The following PDLIM7 variants were observed in gnomAD, a reference collection of about 807,000 sequenced individuals.
PDLIM7 encodes PDZ and LIM domain 7.
A neutral mutation model predicts 53.9 loss-of-function variants in PDLIM7; 37 were observed. The observed-to-expected ratio is 0.69, with a 90% CI of 0.53 to 0.90. PDLIM7 has a LOEUF of 0.90. Ranked by LOEUF, PDLIM7 falls within the 40% of genes least tolerant of loss-of-function variation. The probability of loss-of-function intolerance (pLI) is 0.00; values close to 1 mark genes in which losing one functional copy is unlikely to be tolerated. For synonymous variants in PDLIM7, 300 were observed against 261.3 expected, an observed-to-expected ratio of 1.15 and a Z score of -1.43; for missense variants, 617 against 638.5, an observed-to-expected ratio of 0.97 and a Z score of 0.36.
chr5:177,493,880 A>G (rs918043786), intron 2 of PDLIM7, among the ~76,000 whole-genome samples: 6 of 152,188 alleles, frequency 3.9e-5, no homozygotes, highest in African/African-American at 1.4e-4. Flanking sequence ...CAGGTGGGTC[A>G]GTGCACAGAC....
At chr5:177,490,727 A>G in intron 7 of PDLIM7, 143 bp downstream of exon 7, 1 of 655,854 alleles carries the variant, frequency 1.5e-6, no homozygotes, top group Non-Finnish European at 2.7e-6. Flanking sequence ...GGAAGGAAGG[A>G]AGGAAGGAAG....
At chr5:177,492,493 C>A in intron 3 of PDLIM7, 33 bp downstream of exon 3, 2 of 1,613,626 alleles carry the variant, frequency 1.2e-6, no homozygotes, top group Non-Finnish European at 1.7e-6. Flanking sequence ...CCACTGCCAG[C>A]GCGGGCGCAC....
Position 177,491,095 on chromosome 5 carries a change from C to T in PDLIM7, c.450G>A (p.Glu150=). ...GCCGCGGCCGCCAGTCCTCTGTGTT[C>T]TCCATCAGCCGCTGCTTGCTGGCAT... ...VPDASKQRLM[E]NTEDWRPRPG... is the part of the protein sequence containing the mutation. Residue 150 remains glutamate (E), a synonymous_variant, in exon 6 of 13, where the codon GAG becomes GAA. Coordinates refer to ENST00000355841, the MANE Select transcript of PDLIM7 (RefSeq NM_005451.5). 1 of 1,612,208 alleles carries T rather than the reference C, an allele frequency of 6.2e-7. No homozygotes were observed. Among genetic ancestry groups the T allele is most frequent in the South Asian group, 1.1e-5 (1 of 90,860 alleles).
chr5:177,494,517 C>T (rs576461390), intron 2 of PDLIM7, among the ~76,000 whole-genome samples: 98 of 131,576 alleles, frequency 7.4e-4, no homozygotes, highest in African/African-American at 1.9e-3. Flanking sequence ...GGGCTGAGCC[C>T]GAGGTGGGGG....
chr5:177,496,691 C>T, intron 1 of PDLIM7, 168 bp from the exon 2 acceptor site: 1 of 447,638 alleles, frequency 2.2e-6, no homozygotes, highest in Non-Finnish European at 4.0e-6. Context: ...GCCTGGGCTG[C>T]TGGCTGGCGG....
At chr5:177,491,384 G>A in intron 5 of PDLIM7, 1 of 1,552,226 alleles carries the variant, frequency 6.4e-7, no homozygotes. Flanking sequence ...AAAGGCACAG[G>A]CAGAGGGGGG....
At chr5:177,490,517 C>A (rs1455690436) in intron 7 of PDLIM7, 3 of 1,562,624 alleles carry the variant, frequency 1.9e-6, no homozygotes, top group Non-Finnish European at 2.6e-6. Context: ...ACGTTGAGCA[C>A]GTGGGCAGAG....
At chr5:177,488,617 G>C (rs918798076) in intron 9 of PDLIM7, among the ~76,000 whole-genome samples, 2 of 152,254 alleles carry the variant, frequency 1.3e-5, no homozygotes, top group Non-Finnish European at 2.9e-5. Flanking sequence ...GCTGGGCACA[G>C]TGGCTCACAC....
rs570979952 is a variant in PDLIM7 at position 177,485,329 on chromosome 5, G to T, written c.1051-1139C>A. On this transcript the variant is annotated intron_variant, in intron 10 of 12. Coordinates refer to ENST00000355841, the MANE Select transcript of PDLIM7 (RefSeq NM_005451.5). Reference sequence around the variant, plus strand: ...AGGGGCTGAGCTCTCCCTGGGCTGGGCTGTTCATCCCTAGGACCCTCGGGG... The same window carrying T: ...AGGGGCTGAGCTCTCCCTGGGCTGGTCTGTTCATCCCTAGGACCCTCGGGG... Among the ~76,000 whole-genome samples, 7 of 152,344 alleles carry T rather than the reference G, an allele frequency of 4.6e-5. No homozygotes were observed. The South Asian group carries it at 1.2e-3, about 27-fold the overall frequency.
intron 7 of PDLIM7, 84 bp from the exon 8 acceptor site, chr5:177,489,916 C>T (rs967519554): frequency 2.5e-5 from 39 of 1,540,440 alleles, no homozygotes; most frequent in Non-Finnish European, 3.3e-5. Context: ...GCTGGCCCCA[C>T]GGGAGATGAC....
At chr5:177,493,748 C>T (rs1758920507) in intron 2 of PDLIM7, among the ~76,000 whole-genome samples, 1 of 151,852 alleles carries the variant, frequency 6.6e-6, no homozygotes, top group Admixed American at 6.5e-5. Flanking sequence ...ACCACCCAGC[C>T]ATCTGGCAAG....
At chr5:177,484,432 C>G in intron 10 of PDLIM7, 1 of 509,734 alleles carries the variant, frequency 2.0e-6, no homozygotes, top group Non-Finnish European at 3.5e-6. Context: ...AACCTCTCCT[C>G]CCACAGCCAT....
At chr5:177,488,329 C>A in intron 9 of PDLIM7, 81 bp from the exon 10 acceptor site, 1 of 1,199,788 alleles carries the variant, frequency 8.3e-7, no homozygotes. Flanking sequence ...ACTGACCACC[C>A]ACCAGGAGGC....
chr5:177,490,722 GA>G, intron 7 of PDLIM7, 147 bp downstream of exon 7: 3 of 459,504 alleles, frequency 6.5e-6, no homozygotes, highest in Non-Finnish European at 1.2e-5. Context: ...GGGAAGGAAG[GA>G]AGGAAGGAAG....
rs1430970578 is a variant in PDLIM7 at position 177,496,464 on chromosome 5, G to A, written c.49C>T (p.Arg17Trp). ...TTGAAGTCCTTGCCCCCTTGCAGCC[G>A]GAAGCCCCAAGGTGCTGGCCCCTCC... ...VLEGPAPWGF[R>W]LQGGKDFNVP... The change falls in exon 2 of 13, where the codon CGG becomes TGG. Residue 17 changes from arginine to tryptophan, a missense_variant. Arg to Trp is a moderately radical substitution (Grantham distance 101). Coordinates refer to ENST00000355841, the MANE Select transcript of PDLIM7 (RefSeq NM_005451.5). 2 of 1,604,834 alleles carry A rather than the reference G, an allele frequency of 1.2e-6. No homozygotes were observed. Among genetic ancestry groups the A allele is most frequent in the South Asian group, 1.1e-5 (1 of 89,562 alleles).
chr5:177,484,669 C>T (rs1477800169), intron 10 of PDLIM7, among the ~76,000 whole-genome samples: 1 of 152,272 alleles, frequency 6.6e-6, no homozygotes, highest in Non-Finnish European at 1.5e-5. Context: ...CTGATCCCAG[C>T]TGCCACAGCG....
In PDLIM7 at chr5:177,483,865, AC is replaced by A; in HGVS notation, c.1287+1del. On this transcript the variant is annotated splice_donor_variant, in intron 12 of 12. Coordinates refer to ENST00000355841, the MANE Select transcript of PDLIM7 (RefSeq NM_005451.5). LOFTEE classifies it high-confidence loss of function. ...GCTCAGTTCGAGGGGCGGGGCTCTC[AC>A]CGCACAGACGAAGCAGGTGTCATGC... 2 of 1,612,338 alleles carry A rather than the reference AC, an allele frequency of 1.2e-6. No individual in the cohort carries two copies. The highest frequency in any genetic ancestry group is 1.7e-6 in the Non-Finnish European group (2 of 1,178,890).
Position 177,492,447 on chromosome 5 carries a change from G to A in PDLIM7, c.249-12C>T, listed in dbSNP as rs766927210. 2 of 1,613,672 alleles carry A rather than the reference G, an allele frequency of 1.2e-6. No individual in the cohort carries two copies. Among genetic ancestry groups the A allele is most frequent in the Admixed American group, 1.7e-5 (1 of 59,990 alleles). On this transcript the variant is annotated splice_polypyrimidine_tract_variant and intron_variant, in intron 3 of 12. Transcript: ENST00000355841. ...GAACCGGCTGGGCCCTGGAGGAGAA[G>A]GAAAGCGTGACAGCGGGCCGGGCCC...
intron 9 of PDLIM7, among the ~76,000 whole-genome samples, chr5:177,489,094 G>A (rs1758608056): frequency 6.6e-6 from 1 of 152,242 alleles, no homozygotes; most frequent in African/African-American, 2.4e-5. Flanking sequence ...GACGCGCTGG[G>A]AGGGGGCAGG....
Sources: allele counts gnomAD v4.1 joint callset (sites outside exome capture counted in the v4.1 genomes callset), GRCh38; gene constraint gnomAD v4.1.1; transcripts MANE v1.5; gene names NCBI Gene and HGNC (gene_info 2026-07-23, HGNC 2026-07-21).